ST3GAL5: variants seen among roughly 807,000 people sequenced by gnomAD.
ST3GAL5 encodes the protein lactosylceramide alpha-2,3-sialyltransferase.
ST3GAL5 carries 25 observed loss-of-function variants against 46.1 expected under a neutral mutation model. The observed-to-expected ratio is 0.54, with a 90% CI of 0.40 to 0.76. The LOEUF (loss-of-function observed/expected upper bound fraction) is 0.76, where lower values mean the gene tolerates loss of function less well. Among genes scored for constraint, ST3GAL5 ranks in the 30% least tolerant of loss-of-function variants. The pLI is 0.00. For missense variants in ST3GAL5, 431 were observed against 521.2 expected, an observed-to-expected ratio of 0.83 and a Z score of 1.69; for synonymous variants, 182 against 192.7, an observed-to-expected ratio of 0.94 and a Z score of 0.46.
chr2:85,877,866 C>T (rs781495128), intron 1 of ST3GAL5, among the ~76,000 whole-genome samples: 1 of 152,100 alleles, frequency 6.6e-6, no homozygotes, highest in Non-Finnish European at 1.5e-5. Flanking sequence ...TATGTTCACT[C>T]TTAGCTATTA....
In ST3GAL5 at chr2:85,840,348, A is replaced by G; in HGVS notation, c.1053T>C (p.His351=). The change falls in exon 7 of 7, where the codon CAT becomes CAC. Residue 351 remains histidine, a synonymous_variant. Coordinates refer to ENST00000638572, the MANE Select transcript of ST3GAL5 (RefSeq NM_003896.4). The part of the protein sequence containing the change: ...IGVIAVVLAT[H]LCDEVSLAGF... ...CCGCCAAACTGACTTCATCGCACAG[A>G]TGTGTGGCTAAGACAACGGCAATGA... The G allele has an allele frequency of 6.2e-7, 1 of 1,614,122 alleles. No homozygotes were observed. Among genetic ancestry groups the G allele is most frequent in the East Asian group, 2.2e-5 (1 of 44,892 alleles).
intron 1 of ST3GAL5, among the ~76,000 whole-genome samples, chr2:85,881,771 C>T (rs1482015622): frequency 9.7e-6 from 1 of 103,300 alleles, no homozygotes; most frequent in East Asian, 3.7e-4. Flanking sequence ...AGAAAATTTG[C>T]AGCCTGACTA....
At chr2:85,861,645 T>A (rs1470090915) in intron 2 of ST3GAL5, among the ~76,000 whole-genome samples, 2 of 123,796 alleles carry the variant, frequency 1.6e-5, no homozygotes, top group Admixed American at 8.5e-5. Flanking sequence ...TGTCAGTCCT[T>A]AAAAAAAAAA....
chr2:85,875,574 T>C (rs1573700989), intron 1 of ST3GAL5: 1 of 152,132 alleles, frequency 6.6e-6, no homozygotes, highest in Non-Finnish European at 1.5e-5. Flanking sequence ...ACAAGAAACA[T>C]GAAGCTTAGC....
chr2:85,867,360 A>G (rs1685397500), intron 1 of ST3GAL5, among the ~76,000 whole-genome samples: 1 of 152,210 alleles, frequency 6.6e-6, no homozygotes, highest in Admixed American at 6.5e-5. Flanking sequence ...ATTCATATGC[A>G]TATTAAAGTT....
rs546780813 is a variant in ST3GAL5 at position 85,879,752 on chromosome 2, C to T, written c.82+9072G>A. Among the ~76,000 whole-genome samples, 36 of 152,304 alleles carry T rather than the reference C, an allele frequency of 2.4e-4. No homozygotes were observed. The South Asian group carries it at 5.4e-3, about 23-fold the overall frequency. On this transcript the variant is annotated intron_variant, in intron 1 of 6. Coordinates refer to ENST00000638572, the MANE Select transcript of ST3GAL5 (RefSeq NM_003896.4). ...CTTAACAGGAGAAAGTGAAAGTCAG[C>T]AGAACTGACAGTTAACAAAAAGCAA...
At chr2:85,852,075 A>T (rs1264506297) in intron 3 of ST3GAL5, among the ~76,000 whole-genome samples, 2 of 152,242 alleles carry the variant, frequency 1.3e-5, no homozygotes, top group African/African-American at 2.4e-5. Flanking sequence ...CCCCACTTTC[A>T]TTTCCACTCT....
intron 1 of ST3GAL5, among the ~76,000 whole-genome samples, chr2:85,869,203 T>G (rs1049900765): frequency 5.9e-5 from 9 of 152,026 alleles, no homozygotes; most frequent in South Asian, 4.1e-4. Flanking sequence ...GCATGTGCCA[T>G]TGCACCCAGC....
chr2:85,867,281 G>C (rs1035930990), intron 1 of ST3GAL5, among the ~76,000 whole-genome samples: 2 of 152,186 alleles, frequency 1.3e-5, no homozygotes, highest in African/African-American at 4.8e-5. Context: ...CCTGGAAGTG[G>C]GTTAGAAATG....
chr2:85,860,838 A>C (rs1284421903), intron 3 of ST3GAL5: 4 of 294,698 alleles, frequency 1.4e-5, no homozygotes. Flanking sequence ...GACTCAAAAA[A>C]AAAAAAAGGG....
intron 1 of ST3GAL5, among the ~76,000 whole-genome samples, chr2:85,877,478 C>T (rs368103282): frequency 1.3e-5 from 2 of 152,194 alleles, no homozygotes; most frequent in South Asian, 2.1e-4. Flanking sequence ...TGATTAGATT[C>T]AACTTATGCA....
rs1681713714 is a variant in ST3GAL5, at chr2:85,839,136, C to G, written c.*1008G>C. 6.6e-6 allele frequency: 1 copy of G among 152,216 alleles called. No homozygotes were observed. Among genetic ancestry groups the G allele is most frequent in the Non-Finnish European group, 1.5e-5 (1 of 68,040 alleles). 9.4% of individuals were successfully genotyped at this position (152,216 alleles called of 1,614,324 possible). On this transcript the variant is annotated 3_prime_UTR_variant, in exon 7 of 7. Coordinates refer to ENST00000638572, the MANE Select transcript of ST3GAL5 (RefSeq NM_003896.4). ...CATAGACATAAGCACCCAAATTAAC[C>G]AGACTACGAGAGTTCCTCAAAAGTT...
At chr2:85,848,633 A>C (rs1364692947) in intron 3 of ST3GAL5, 3 of 340,044 alleles carry the variant, frequency 8.8e-6, no homozygotes, top group South Asian at 2.4e-5. Context: ...GTATGACCTG[A>C]CTTATATGAG....
At chr2:85,858,108 C>T (rs983718256) in intron 3 of ST3GAL5, 2 of 152,218 alleles carry the variant, frequency 1.3e-5, no homozygotes, top group Non-Finnish European at 1.5e-5. Context: ...GGTTAGGCTG[C>T]ATGCAGGTGT....
chr2:85,858,477 A>ATT (rs1684392408), intron 3 of ST3GAL5, among the ~76,000 whole-genome samples: 1 of 151,952 alleles, frequency 6.6e-6, no homozygotes, highest in South Asian at 2.1e-4. Context: ...CGCCCAGCTA[A>ATT]TTTCTGTATT....
In ST3GAL5 at chr2:85,861,203, T is replaced by A. The variant is rs568003096; in HGVS notation, c.296A>T (p.Tyr99Phe). 3.1e-6 allele frequency: 5 copies of A among 1,611,170 alleles called. No individual in the cohort carries two copies. Among genetic ancestry groups the A allele is most frequent in the Non-Finnish European group, 3.4e-6 (4 of 1,177,600 alleles). The change falls in exon 3 of 7, where the codon TAT becomes TTT. Residue 99 changes from tyrosine (Y) to phenylalanine (F), a missense_variant. By Grantham distance (22) the Tyr-to-Phe change is conservative. Coordinates refer to ENST00000638572, the MANE Select transcript of ST3GAL5 (RefSeq NM_003896.4). ...AACCTTTACATGGTCAGGGTCCACA[T>A]AATGCATTTTTTTCATGTCACATTC... is the stretch of plus-strand genomic sequence containing the variant. ...TEECDMKKMH[Y>F]VDPDHVKRAQ...
intron 1 of ST3GAL5, among the ~76,000 whole-genome samples, chr2:85,882,262 GA>G (rs1237044100): frequency 6.6e-6 from 1 of 152,242 alleles, no homozygotes; most frequent in Non-Finnish European, 1.5e-5. Flanking sequence ...TGTGGGGTCA[GA>G]GCAGCCACAC....
chr2:85,862,496 A>AT (rs1684832270), intron 2 of ST3GAL5, among the ~76,000 whole-genome samples: 1 of 136,400 alleles, frequency 7.3e-6, no homozygotes, highest in South Asian at 2.7e-4. Context: ...CCTTATTTTG[A>AT]TTTAAAAAAA....
chr2:85,873,925 T>C (rs924734436), intron 1 of ST3GAL5, among the ~76,000 whole-genome samples: 1 of 152,238 alleles, frequency 6.6e-6, no homozygotes, highest in Non-Finnish European at 1.5e-5. Flanking sequence ...CCCAGTGTTA[T>C]GTGGGTGCAG....
Sources: gnomAD v4.1 joint callset for allele counts (sites outside exome capture counted in the v4.1 genomes callset) on GRCh38, gnomAD v4.1.1 for gene constraint, MANE v1.5 for transcripts, NCBI Gene and HGNC (gene_info 2026-07-23, HGNC 2026-07-21) for gene names.